Variants in RICTOR observed in about 807,000 individuals in gnomAD.
RICTOR encodes the protein rapamycin-insensitive companion of mTOR.
Under a neutral mutation model 214.9 loss-of-function variants are expected in RICTOR, and 49 were observed. The ratio of observed to expected loss-of-function variants is 0.23; its 90% confidence interval spans 0.18 to 0.29. RICTOR has a LOEUF of 0.29. Ranked by LOEUF, RICTOR falls within the 10% of genes least tolerant of loss-of-function variation. The pLI, the probability that RICTOR is intolerant of heterozygous loss-of-function variation, is 1.00. For missense variants in RICTOR, 1,625 were observed against 2,047.0 expected (o/e 0.79, Z 3.98); for synonymous variants, 717 against 711.3 (o/e 1.01, Z -0.13).
intron 2 of RICTOR, among the ~76,000 whole-genome samples, chr5:39,046,948 C>T (rs188156064): frequency 6.6e-6 from 1 of 152,218 alleles, no homozygotes; most frequent in East Asian, 1.9e-4. Flanking sequence ...GTCAATGCCT[C>T]AAAAGTTCGA....
chr5:39,002,503 C>T (rs1456858972), intron 5 of RICTOR, 32 bp downstream of exon 5: 1 of 1,528,352 alleles, frequency 6.5e-7, no homozygotes, highest in African/African-American at 1.4e-5. Context: ...CACAAAATTT[C>T]AAAAATATAT....
rs368617002 is a variant in RICTOR at position 38,942,824 on chromosome 5, C to T, written c.5052+9G>A. Reference sequence around the variant, plus strand: ...GAAGATAAATTTGAGAAGTACTAATCATACTTACTTGTAGAAACTGTACAT... The same window carrying T: ...GAAGATAAATTTGAGAAGTACTAATTATACTTACTTGTAGAAACTGTACAT... On this transcript the variant is annotated intron_variant, in intron 37 of 37. Transcript: ENST00000357387. 2 of 1,583,652 alleles carry T rather than the reference C, an allele frequency of 1.3e-6. No individual in the cohort carries two copies.
chr5:38,977,006 G>C (rs953690280), intron 9 of RICTOR, among the ~76,000 whole-genome samples: 1 of 152,164 alleles, frequency 6.6e-6, no homozygotes, highest in African/African-American at 2.4e-5. Context: ...ACAGCATATA[G>C]CAGGCTTGAT....
chr5:38,942,796 T>C (rs779120348), intron 37 of RICTOR, 37 bp downstream of exon 37: 2 of 1,481,940 alleles, frequency 1.3e-6, no homozygotes, highest in South Asian at 1.1e-5. Flanking sequence ...AGAATTATTC[T>C]TGGAAGATAA....
Position 38,966,662 on chromosome 5 carries a change from A to G in RICTOR, c.1278T>C (p.Leu426=). The change falls in exon 15 of 38, where the codon CTT becomes CTC. Residue 426 remains leucine, a synonymous_variant. Transcript: ENST00000357387. ...DDHISVRATI[L]LGELLHMANT... ...TTACCATATGTAAAAGCTCTCCTAA[A>G]AGGATGGTAGCTCTAACTGAGATAT... 1 of 1,578,878 alleles carries G rather than the reference A, an allele frequency of 6.3e-7. No homozygotes were observed. Among genetic ancestry groups the G allele is most frequent in the Non-Finnish European group, 8.7e-7 (1 of 1,150,796 alleles).
intron 3 of RICTOR, among the ~76,000 whole-genome samples, chr5:39,019,340 A>G (rs956576605): frequency 1.3e-5 from 2 of 152,218 alleles, no homozygotes; most frequent in African/African-American, 4.8e-5. Flanking sequence ...GAGAACTTTC[A>G]TAACTAGAGA....
chr5:38,968,568 T>C (rs948842245), intron 11 of RICTOR, among the ~76,000 whole-genome samples: 1 of 151,274 alleles, frequency 6.6e-6, no homozygotes, highest in African/African-American at 2.4e-5. Context: ...TGAAACCCCA[T>C]CTCTACAAAA....
chr5:38,959,429 A>G, intron 21 of RICTOR, 108 bp from the exon 22 acceptor site: 1 of 683,106 alleles, frequency 1.5e-6, no homozygotes, highest in Non-Finnish European at 2.4e-6. Flanking sequence ...ACAAATAAAA[A>G]TTGTATTATT....
intron 28 of RICTOR, among the ~76,000 whole-genome samples, 157 bp from the exon 29 acceptor site, chr5:38,953,248 T>C (rs1252617627): frequency 1.3e-5 from 2 of 151,930 alleles, no homozygotes; most frequent in Non-Finnish European, 2.9e-5. Flanking sequence ...ATTCTAGTTG[T>C]CTTAGCAACA....
At chr5:39,039,847 G>A in intron 2 of RICTOR, among the ~76,000 whole-genome samples, 1 of 152,090 alleles carries the variant, frequency 6.6e-6, no homozygotes, top group Non-Finnish European at 1.5e-5. Context: ...GGAGAAATAG[G>A]AACACTTTTA....
intron 2 of RICTOR, among the ~76,000 whole-genome samples, chr5:39,069,359 A>G (rs1759141639): frequency 6.6e-6 from 1 of 152,224 alleles, no homozygotes; most frequent in Admixed American, 6.5e-5. Flanking sequence ...AGAACATAAA[A>G]ATTGCTTGCT....
rs1260211411 is a variant in RICTOR, at chr5:38,942,962, C to T, written c.4923G>A (p.Glu1641=). 2 of 1,602,402 alleles carry T rather than the reference C, an allele frequency of 1.2e-6. No homozygotes were observed. Among genetic ancestry groups the T allele is most frequent in the Middle Eastern group, 3.3e-4 (2 of 6,068 alleles). The change falls in exon 37 of 38, where the codon GAG becomes GAA. Residue 1641 remains glutamate, a synonymous_variant. Transcript: ENST00000357387. Reference sequence around the variant, plus strand: ...TGTCATCAAATGTTTGAGGATACTTCTCCTTAATTCTAAAATAAAAGATTA... The same window carrying T: ...TGTCATCAAATGTTTGAGGATACTTTTCCTTAATTCTAAAATAAAAGATTA... The part of the protein sequence containing the change: ...CHETGLLTIK[E]KYPQTFDDIC...
chr5:39,024,947 G>A (rs1690545620), intron 2 of RICTOR, among the ~76,000 whole-genome samples: 1 of 152,140 alleles, frequency 6.6e-6, no homozygotes, highest in Non-Finnish European at 1.5e-5. Context: ...TGGAAATATA[G>A]CAATAAACAA....
chr5:39,058,190 A>C (rs1286520652), intron 2 of RICTOR, among the ~76,000 whole-genome samples: 3 of 152,098 alleles, frequency 2.0e-5, no homozygotes, highest in Non-Finnish European at 4.4e-5. Context: ...ATAATCACTG[A>C]AAACAACAAA....
chr5:38,974,922 A>G (rs1057264600), intron 10 of RICTOR, among the ~76,000 whole-genome samples: 1 of 152,188 alleles, frequency 6.6e-6, no homozygotes, highest in African/African-American at 2.4e-5. Context: ...CCCCTTCACA[A>G]TAATACTAAA....
chr5:38,944,228 A>G (rs1343888922), intron 36 of RICTOR: 6 of 622,316 alleles, frequency 9.6e-6, no homozygotes, highest in African/African-American at 1.8e-5. Context: ...GCTTAATAGA[A>G]GATAGCTGGA....
At chr5:39,000,910 A>C (rs1753566062) in intron 5 of RICTOR, among the ~76,000 whole-genome samples, 1 of 152,064 alleles carries the variant, frequency 6.6e-6, no homozygotes, top group African/African-American at 2.4e-5. Context: ...AACTGAATAA[A>C]TATGTTCAGG....
intron 27 of RICTOR, 36 bp downstream of exon 27, chr5:38,954,738 T>C (rs973854401): frequency 3.3e-6 from 4 of 1,200,780 alleles, no homozygotes; most frequent in Non-Finnish European, 4.9e-6. Context: ...TTTTTTACTA[T>C]TGTAGCTACT....
intron 7 of RICTOR, among the ~76,000 whole-genome samples, chr5:38,984,383 G>A (rs564199334): frequency 1.3e-5 from 2 of 152,036 alleles, no homozygotes; most frequent in South Asian, 4.1e-4. Context: ...TTCTCCATCT[G>A]CTTAACATGA....
Sources: allele counts gnomAD v4.1 joint callset (sites outside exome capture counted in the v4.1 genomes callset), GRCh38; gene constraint gnomAD v4.1.1; transcripts MANE v1.5; gene names NCBI Gene and HGNC (gene_info 2026-07-23, HGNC 2026-07-21).